DGKZ: variants seen among roughly 807,000 people sequenced by gnomAD.
DGKZ encodes the protein DAG kinase zeta.
DGKZ carries 45 observed loss-of-function variants against 142.5 expected under a neutral mutation model. The ratio of observed to expected loss-of-function variants is 0.32; its 90% CI spans 0.25 to 0.40. DGKZ has a LOEUF of 0.40. Ranked by LOEUF, DGKZ falls within the 10% of genes least tolerant of loss-of-function variation. DGKZ has a pLI of 1.00. For synonymous variants in DGKZ, 442 were observed against 527.0 expected, an observed-to-expected ratio of 0.84 and a Z score of 2.21; for missense variants, 755 against 1,306.5, an observed-to-expected ratio of 0.58 and a Z score of 6.51.
intron 1 of DGKZ, among the ~76,000 whole-genome samples, chr11:46,363,575 G>A (rs545051115): frequency 4.6e-5 from 7 of 152,220 alleles, no homozygotes; most frequent in Non-Finnish European, 8.8e-5. Context: ...CTTGTCTCTC[G>A]AGGGGGTCCT....
chr11:46,342,294 A>G (rs1940318198), intron 1 of DGKZ, among the ~76,000 whole-genome samples: 1 of 152,118 alleles, frequency 6.6e-6, no homozygotes, highest in Admixed American at 6.5e-5. Context: ...GAAAGCAGAG[A>G]TGACATTGAC....
At chr11:46,356,869 A>G (rs1240959505) in intron 1 of DGKZ, among the ~76,000 whole-genome samples, 1 of 152,188 alleles carries the variant, frequency 6.6e-6, no homozygotes, top group East Asian at 1.9e-4. Context: ...TCGTAGCTTA[A>G]TATTTGTAAA....
Position 46,337,784 on chromosome 11 carries a change from CA to C in DGKZ, c.212+4308del, listed in dbSNP as rs775020013. Among the ~76,000 whole-genome samples the C allele has an allele frequency of 7.5e-4, 108 of 143,916 alleles. 1 individual carries two copies. The highest frequency in any genetic ancestry group is 1.3e-3 in the Admixed American group (19 of 14,496). The allele number at this position is 143,916 out of a possible 152,430, so 94.4% of individuals were successfully genotyped here. A position where few individuals can be genotyped will look rare whatever the true frequency, so the allele number is the denominator to read the frequency against. ...AAGGGCAGGGCAGGAAACAAACAAA[CA>C]AAAAAAAAAATGGAGGGAGGGGGTG... On this transcript the variant is annotated intron_variant, in intron 1 of 30. Coordinates refer to the DGKZ transcript ENST00000343674.
At chr11:46,337,557 A>G (rs2136376256) in intron 1 of DGKZ, among the ~76,000 whole-genome samples, 1 of 151,904 alleles carries the variant, frequency 6.6e-6, no homozygotes, top group South Asian at 2.1e-4. Context: ...CGGCCTCCCA[A>G]AGTTCTGGGA....
At position 46,347,543 on chromosome 11, in the gene DGKZ, G is replaced by A; in HGVS notation, c.-117G>A. On this transcript the variant is annotated 5_prime_UTR_variant, in exon 1 of 31. Transcript: ENST00000527911. The surrounding 1 kb of genome is among the most constrained non-coding windows in gnomAD (Gnocchi z 6.4). The stretch of plus-strand genomic sequence containing the variant: ...CGGGGGCGCGCGGCGCGGGGCGGGC[G>A]GAGCGAGCGCGCGCCATGGAGGTGG... The A allele has an allele frequency of 1.0e-6, 1 of 985,446 alleles. No individual in the cohort carries two copies. The highest frequency in any genetic ancestry group is 1.1e-4 in the East Asian group (1 of 8,930). The allele number at this position is 985,446 out of a possible 1,614,324, so 61.0% of individuals were successfully genotyped here.
At chr11:46,374,539 C>T in intron 16 of DGKZ, 65 bp from the exon 17 acceptor site, 1 of 1,610,396 alleles carries the variant, frequency 6.2e-7, no homozygotes, top group Non-Finnish European at 8.5e-7. Context: ...GCCCCAGGAG[C>T]CCTGCCGGGT....
At chr11:46,334,386 C>A (rs1939910025) in intron 1 of DGKZ, among the ~76,000 whole-genome samples, 1 of 152,234 alleles carries the variant, frequency 6.6e-6, no homozygotes, top group Non-Finnish European at 1.5e-5. Flanking sequence ...TCCTTACAGC[C>A]ATCGGCCTGG....
chr11:46,355,169 T>C (rs562644204), intron 1 of DGKZ, among the ~76,000 whole-genome samples: 273 of 152,282 alleles, frequency 1.8e-3, no homozygotes, highest in Non-Finnish European at 3.1e-3. Flanking sequence ...AGTGCAGTGG[T>C]GCGATCTCGG....
intron 25 of DGKZ, chr11:46,377,940 T>C: frequency 1.8e-6 from 1 of 566,450 alleles, no homozygotes; most frequent in Non-Finnish European, 3.2e-6. Context: ...TTCTGAATTC[T>C]TAAGAGCACC....
At chr11:46,373,985 C>T (rs1944267316) in intron 14 of DGKZ, among the ~76,000 whole-genome samples, 172 bp from the exon 15 acceptor site, 1 of 152,232 alleles carries the variant, frequency 6.6e-6, no homozygotes, top group African/African-American at 2.4e-5. Context: ...AGCCACCAGG[C>T]AGAGCAGGGC....
At chr11:46,337,523 T>C (rs1243434495) in intron 1 of DGKZ, among the ~76,000 whole-genome samples, 2 of 152,032 alleles carry the variant, frequency 1.3e-5, no homozygotes, top group Non-Finnish European at 2.9e-5. Flanking sequence ...CTCAAACTCC[T>C]GACCTCAGGT....
chr11:46,367,042 G>A lies in DGKZ; in HGVS notation c.162-249G>A. ...TGTGACCTCCTGTGGGTCTGGCCTG[G>A]GCATGGGCCTTGAAGCTCTGCCTGG... On this transcript the variant is annotated intron_variant, in intron 1 of 30. Transcript: ENST00000527911. This position sits in a 1 kb window ranked among gnomAD's most constrained non-coding sequence, Gnocchi z 4.1. 4.8e-6 allele frequency: 7 copies of A among 1,471,208 alleles called. No individual in the cohort carries two copies. The highest frequency in any genetic ancestry group is 6.3e-6 in the Non-Finnish European group (7 of 1,113,520). 91.1% of individuals were successfully genotyped at this position (1,471,208 alleles called of 1,614,324 possible).
At chr11:46,345,141 G>C, upstream of DGKZ, 1 of 647,664 alleles carries the variant, frequency 1.5e-6, no homozygotes, top group Non-Finnish European at 2.3e-6. This position sits in a 1 kb window ranked among gnomAD's most constrained non-coding sequence, Gnocchi z 4.1. Context: ...AGTTTAAATG[G>C]AGAGGAAAAC....
intron 14 of DGKZ, 27 bp downstream of exon 14, chr11:46,373,128 C>T (rs1199478101): frequency 6.5e-7 from 1 of 1,530,436 alleles, no homozygotes; most frequent in Non-Finnish European, 8.8e-7. Flanking sequence ...TGGTGGGGGG[C>T]AGGGCAGGTG....
chr11:46,336,002 C>G (rs998340106), intron 1 of DGKZ, among the ~76,000 whole-genome samples: 1 of 152,216 alleles, frequency 6.6e-6, no homozygotes, highest in Non-Finnish European at 1.5e-5. Context: ...AAACCTCCTA[C>G]CCTGCTGTGC....
rs540960661 is a variant in DGKZ, at chr11:46,350,550, C to T, written c.161+2730C>T. On this transcript the variant is annotated intron_variant, in intron 1 of 30. Transcript: ENST00000527911. Reference sequence around the variant, plus strand: ...CATCCAGCCTTGGGGTTGAGGGGCCCGACGGGAAGATCAAGGGTAACAACT... The same window carrying T: ...CATCCAGCCTTGGGGTTGAGGGGCCTGACGGGAAGATCAAGGGTAACAACT... Among the ~76,000 whole-genome samples the T allele has an allele frequency of 2.4e-3, 360 of 151,764 alleles. 2 individuals carry two copies. The highest frequency in any genetic ancestry group is 8.2e-3 in the African/African-American group (341 of 41,392).
At chr11:46,373,472 C>G (rs1489288028) in intron 14 of DGKZ, among the ~76,000 whole-genome samples, 8 of 136,960 alleles carry the variant, frequency 5.8e-5, no homozygotes, top group Non-Finnish European at 1.3e-4. Context: ...TTTCTGTTTT[C>G]TTTTTTTTTT....
intron 4 of DGKZ, chr11:46,368,294 C>A: frequency 1.6e-6 from 1 of 640,040 alleles, no homozygotes; most frequent in South Asian, 1.6e-5. Context: ...ACAAACCTGG[C>A]GCCTAGTGGG....
At chr11:46,355,740 TA>T (rs1188360700) in intron 1 of DGKZ, among the ~76,000 whole-genome samples, 2 of 151,638 alleles carry the variant, frequency 1.3e-5, no homozygotes, top group East Asian at 3.9e-4. Flanking sequence ...GGGGAGGTGT[TA>T]AATTTTTTTT....
Sources: allele counts gnomAD v4.1 joint callset (sites outside exome capture counted in the v4.1 genomes callset), GRCh38; gene constraint gnomAD v4.1.1; non-coding constraint Gnocchi (gnomAD v3.1); transcripts MANE v1.5; gene names NCBI Gene and HGNC (gene_info 2026-07-23, HGNC 2026-07-21).